DTWD2: variants seen among roughly 807,000 people sequenced by gnomAD.
DTWD2 encodes the protein DTW motif tRNA-uridine aminocarboxypropyltransferase 2, also known as tRNA-uridine aminocarboxypropyltransferase 2.
DTWD2 carries 39 observed loss-of-function variants against 31.8 expected under a neutral mutation model. That is an observed-to-expected ratio of 1.22 (90% CI 0.95 to 1.60). The LOEUF is 1.60. DTWD2 is among the 40% of genes most tolerant of loss of function. DTWD2 has a pLI of 0.00. For missense variants in DTWD2, 515 were observed against 381.5 expected (o/e 1.35, Z -2.92); for synonymous variants, 180 against 142.8 (o/e 1.26, Z -1.86).
chr5:118,846,766 G>C (rs1751863686), intron 5 of DTWD2, among the ~76,000 whole-genome samples: 1 of 152,094 alleles, frequency 6.6e-6, no homozygotes, highest in African/African-American at 2.4e-5. Context: ...TAGGGACATG[G>C]GAGTAGGTGA....
chr5:118,949,827 G>C (rs886552109), intron 1 of DTWD2, among the ~76,000 whole-genome samples: 3 of 152,148 alleles, frequency 2.0e-5, no homozygotes, highest in Non-Finnish European at 4.4e-5. Context: ...CCTAGGAATA[G>C]TCAGGAAAGC....
intron 1 of DTWD2, among the ~76,000 whole-genome samples, chr5:118,949,502 T>G (rs965592854): frequency 1.3e-5 from 2 of 152,324 alleles, no homozygotes; most frequent in Non-Finnish European, 2.9e-5. Context: ...TGAACCAACC[T>G]GTAAGACTTG....
intron 3 of DTWD2, among the ~76,000 whole-genome samples, chr5:118,933,684 T>C (rs1055578468): frequency 1.3e-5 from 2 of 152,082 alleles, no homozygotes; most frequent in Non-Finnish European, 2.9e-5. Context: ...AAAATACCTA[T>C]AGCTAGCATT....
At chr5:118,982,532 T>C (rs1011246225) in intron 1 of DTWD2, among the ~76,000 whole-genome samples, 1 of 152,164 alleles carries the variant, frequency 6.6e-6, no homozygotes, top group Non-Finnish European at 1.5e-5. Context: ...ACATATTTTC[T>C]ATACTAACAG....
At chr5:118,972,966 C>T (rs1755022681) in intron 1 of DTWD2, among the ~76,000 whole-genome samples, 1 of 152,160 alleles carries the variant, frequency 6.6e-6, no homozygotes, top group Admixed American at 6.5e-5. Context: ...TTGCTTTGAT[C>T]CCTTTGCCAT....
At chr5:118,944,411 G>T (rs1009931000) in intron 2 of DTWD2, 148 bp downstream of exon 2, 14 of 746,446 alleles carry the variant, frequency 1.9e-5, no homozygotes, top group Non-Finnish European at 2.8e-5. Context: ...AAATTAAAAA[G>T]AAACTATTTT....
intron 4 of DTWD2, among the ~76,000 whole-genome samples, chr5:118,870,907 T>C (rs1441727784): frequency 6.7e-6 from 1 of 150,178 alleles, no homozygotes; most frequent in Non-Finnish European, 1.5e-5. Context: ...GCTGCTTATA[T>C]AATATTCTAA....
chr5:118,873,400 T>C (rs1752550585), intron 4 of DTWD2, among the ~76,000 whole-genome samples: 1 of 152,196 alleles, frequency 6.6e-6, no homozygotes, highest in Admixed American at 6.5e-5. Context: ...CAGCCTCCAG[T>C]GCCCTGGGGG....
At chr5:118,938,699 G>A (rs1017919480) in intron 3 of DTWD2, among the ~76,000 whole-genome samples, 2 of 150,932 alleles carry the variant, frequency 1.3e-5, no homozygotes, top group Non-Finnish European at 2.9e-5. Flanking sequence ...GGGCAACAAA[G>A]TGAGATCCTG....
intron 4 of DTWD2, among the ~76,000 whole-genome samples, chr5:118,868,583 A>T (rs894112692): frequency 4.6e-5 from 7 of 152,168 alleles, no homozygotes; most frequent in Non-Finnish European, 1.0e-4. Context: ...AATGCCTCTA[A>T]TCCCAACACT....
At chr5:118,987,098 T>C (rs1755444861) in intron 1 of DTWD2, among the ~76,000 whole-genome samples, 1 of 152,204 alleles carries the variant, frequency 6.6e-6, no homozygotes, top group African/African-American at 2.4e-5. Context: ...CACAGTAATT[T>C]AGCCTTTGAT....
chr5:118,911,686 C>T lies in DTWD2; in HGVS notation c.597+16851G>A, dbSNP rs1164462243. On this transcript the variant is annotated intron_variant, in intron 4 of 5. Coordinates refer to ENST00000510708, the MANE Select transcript of DTWD2 (RefSeq NM_173666.4). ...ACATGCACACACATATACACACACA[C>T]ACAATGTAATATTATTCAGCCTTAA... Among the ~76,000 whole-genome samples, 5 of 152,284 alleles carry T rather than the reference C, an allele frequency of 3.3e-5. No individual in the cohort carries two copies. In the East Asian group the frequency reaches 9.6e-4, roughly 29 times the overall value.
intron 3 of DTWD2, among the ~76,000 whole-genome samples, chr5:118,929,057 C>T (rs1753867857): frequency 1.3e-5 from 2 of 152,188 alleles, no homozygotes; most frequent in Non-Finnish European, 2.9e-5. Context: ...CATGTGTAAT[C>T]TGATCCACTT....
At chr5:118,930,411 A>G (rs1580416396) in intron 3 of DTWD2, among the ~76,000 whole-genome samples, 1 of 152,344 alleles carries the variant, frequency 6.6e-6, no homozygotes, top group East Asian at 1.9e-4. Flanking sequence ...AATTCAGCTC[A>G]GAAATAAAGA....
intron 1 of DTWD2, among the ~76,000 whole-genome samples, chr5:118,984,697 T>A (rs1430794527): frequency 6.6e-6 from 1 of 152,202 alleles, no homozygotes; most frequent in Non-Finnish European, 1.5e-5. Flanking sequence ...TTTGTGTGCA[T>A]GCTCTCCCTG....
At chr5:118,863,876 C>T (rs1399250900) in intron 4 of DTWD2, among the ~76,000 whole-genome samples, 1 of 151,812 alleles carries the variant, frequency 6.6e-6, no homozygotes, top group Non-Finnish European at 1.5e-5. Context: ...ACAACACGCC[C>T]AAAGCCACTG....
chr5:118,880,152 T>C (rs1175891644), intron 4 of DTWD2, among the ~76,000 whole-genome samples: 1 of 152,222 alleles, frequency 6.6e-6, no homozygotes, highest in Non-Finnish European at 1.5e-5. Flanking sequence ...AGTATTTTTG[T>C]CACTGTAAGC....
intron 1 of DTWD2, among the ~76,000 whole-genome samples, chr5:118,976,178 C>G (rs1448547742): frequency 6.6e-6 from 1 of 152,202 alleles, no homozygotes; most frequent in Non-Finnish European, 1.5e-5. Flanking sequence ...ATATCTGGGA[C>G]ACAGCTAACG....
intron 4 of DTWD2, among the ~76,000 whole-genome samples, chr5:118,911,101 G>C (rs570566765): frequency 1.3e-5 from 2 of 151,408 alleles, no homozygotes; most frequent in Non-Finnish European, 2.9e-5. Flanking sequence ...AATACATAAG[G>C]AACTTATATA....
Sources: gnomAD v4.1 joint callset for allele counts (sites outside exome capture counted in the v4.1 genomes callset) on GRCh38, gnomAD v4.1.1 for gene constraint, MANE v1.5 for transcripts, NCBI Gene and HGNC (gene_info 2026-07-23, HGNC 2026-07-21) for gene names.